ADAD1: variants seen among roughly 807,000 people sequenced by gnomAD.
The protein encoded by ADAD1 is adenosine deaminase domain containing 1.
Under a neutral mutation model 66.8 loss-of-function variants are expected in ADAD1, and 46 were observed. The ratio of observed to expected loss-of-function variants is 0.69; its 90% confidence interval spans 0.54 to 0.88. The LOEUF (loss-of-function observed/expected upper bound fraction) is 0.88, where lower values mean the gene tolerates loss of function less well. ADAD1 is among the 40% of genes least tolerant of loss of function. The probability of loss-of-function intolerance (pLI) is 0.00; values close to 1 mark genes in which losing one functional copy is unlikely to be tolerated. For missense variants in ADAD1, 617 were observed against 681.8 expected (o/e 0.91, Z 1.06); for synonymous variants, 248 against 229.4 (o/e 1.08, Z -0.73).
intron 7 of ADAD1, among the ~76,000 whole-genome samples, chr4:122,401,616 G>A (rs536847593): frequency 2.6e-5 from 4 of 152,164 alleles, no homozygotes; most frequent in East Asian, 1.9e-4. Context: ...GACTATTATT[G>A]TGTTGCCGTC....
At chr4:122,409,276 A>T (rs1480979994) in intron 8 of ADAD1, among the ~76,000 whole-genome samples, 1 of 152,210 alleles carries the variant, frequency 6.6e-6, no homozygotes, top group East Asian at 1.9e-4. Flanking sequence ...GTAAAATGGG[A>T]AATGAGTGCT....
intron 5 of ADAD1, among the ~76,000 whole-genome samples, chr4:122,387,853 G>A (rs1430498060): frequency 6.6e-6 from 1 of 151,292 alleles, no homozygotes; most frequent in Non-Finnish European, 1.5e-5. Context: ...TCTGCCTCCT[G>A]GGTTCATGCC....
intron 5 of ADAD1, among the ~76,000 whole-genome samples, chr4:122,385,648 A>G (rs1283351023): frequency 1.3e-5 from 2 of 152,154 alleles, no homozygotes; most frequent in Non-Finnish European, 2.9e-5. Flanking sequence ...TACATGTGCC[A>G]TGGCAGTTTG....
rs114035595 is a variant in ADAD1, at chr4:122,380,226, G to A, written c.157G>A (p.Val53Ile). 1.2e-6 allele frequency: 2 copies of A among 1,609,602 alleles called. No homozygotes were observed. Among genetic ancestry groups the A allele is most frequent in the African/African-American group, 1.3e-5 (1 of 74,722 alleles). ...CGGCCTGTCCAAGATGGCATCCAAG[G>A]TTACGCAAGTAACGGGTACGACTTT... is the stretch of plus-strand genomic sequence containing the variant. ...SYGLSKMASKVTQVTGNFPEP... is the reference protein window; with the variant it reads ...SYGLSKMASKITQVTGNFPEP... Residue 53 changes from valine to isoleucine, a missense_variant, in exon 3 of 13, where the codon GTT becomes ATT. Coordinates refer to ENST00000296513, the MANE Select transcript of ADAD1 (RefSeq NM_139243.4).
At chr4:122,402,925 G>A (rs1387350607) in intron 7 of ADAD1, among the ~76,000 whole-genome samples, 1 of 151,898 alleles carries the variant, frequency 6.6e-6, no homozygotes, top group Non-Finnish European at 1.5e-5. Context: ...CTTTAAGTTG[G>A]TTTTCACCTT....
At chr4:122,421,482 T>C in intron 12 of ADAD1, 92 bp downstream of exon 12, 1 of 1,192,632 alleles carries the variant, frequency 8.4e-7, no homozygotes, top group Non-Finnish European at 1.1e-6. Flanking sequence ...CAAAAGTTTG[T>C]TGAATACTTC....
chr4:122,396,147 C>T, intron 6 of ADAD1, 105 bp from the exon 7 acceptor site: 1 of 991,354 alleles, frequency 1.0e-6, no homozygotes, highest in Non-Finnish European at 1.3e-6. Flanking sequence ...TTACAGATGT[C>T]TATATATTAT....
intron 5 of ADAD1, among the ~76,000 whole-genome samples, chr4:122,390,269 T>G (rs182159983): frequency 1.6e-3 from 239 of 152,318 alleles, no homozygotes; most frequent in African/African-American, 5.6e-3. Flanking sequence ...GACCTGGCCT[T>G]TCTTTCTGGC....
chr4:122,401,721 G>A (rs1795991294), intron 7 of ADAD1, among the ~76,000 whole-genome samples: 1 of 151,936 alleles, frequency 6.6e-6, no homozygotes, highest in African/African-American at 2.4e-5. Context: ...TTTCTTGTTG[G>A]ACTAATCCTT....
rs1398060419 is a variant in ADAD1, at chr4:122,418,510, AAGG to A, written c.1488-2747_1488-2745del. Among the ~76,000 whole-genome samples, 5 of 151,740 alleles carry A rather than the reference AAGG, an allele frequency of 3.3e-5. 1 individual carries two copies. The highest frequency in any genetic ancestry group is 7.4e-5 in the Non-Finnish European group (5 of 67,916). On this transcript the variant is annotated intron_variant, in intron 11 of 12. Coordinates refer to ENST00000296513, the MANE Select transcript of ADAD1 (RefSeq NM_139243.4). ...GCTAATTTTTTGTATTTTTAGTAGAAAGGAGGTTTCACCGTGTTATCCAGGATG... is the reference window on the plus strand; with the variant it reads ...GCTAATTTTTTGTATTTTTAGTAGAAAGGTTTCACCGTGTTATCCAGGATG...
chr4:122,396,250 A>G lies in ADAD1; in HGVS notation c.599-2A>G. The G allele has an allele frequency of 1.3e-6, 2 of 1,570,920 alleles. No individual in the cohort carries two copies. The highest frequency in any genetic ancestry group is 1.2e-5 in the South Asian group (1 of 81,946). On this transcript the variant is annotated splice_acceptor_variant, in intron 6 of 12. Transcript: ENST00000296513. LOFTEE classifies it high-confidence loss of function. The stretch of plus-strand genomic sequence containing the variant: ...GAAATTTATGTTTTGATTTTTTTCT[A>G]GAAGGGAGACATATTCAATATGCAA...
In ADAD1 at chr4:122,383,840, G is replaced by A; in HGVS notation, c.403G>A (p.Asp135Asn). The A allele has an allele frequency of 3.1e-6, 5 of 1,612,988 alleles. No homozygotes were observed. Among genetic ancestry groups the A allele is most frequent in the Non-Finnish European group, 4.2e-6 (5 of 1,179,676 alleles). The change falls in exon 5 of 13, where the codon GAT becomes AAT. Residue 135 changes from aspartate to asparagine, a missense_variant. By Grantham distance (23) the Asp-to-Asn change is conservative. Coordinates refer to ENST00000296513, the MANE Select transcript of ADAD1 (RefSeq NM_139243.4). ...ATATTTTGCCTTTTGTGCTGTGGTG[G>A]ATGGTATTCAGTACAAGACTGGACT... ...GPYFAFCAVV[D>N]GIQYKTGLGQ...
intron 6 of ADAD1, among the ~76,000 whole-genome samples, chr4:122,394,409 G>A (rs1172607601): frequency 6.6e-6 from 1 of 152,132 alleles, no homozygotes; most frequent in Non-Finnish European, 1.5e-5. Context: ...TAGAGTATTT[G>A]TAAGAGGAAA....
At chr4:122,404,174 C>T (rs1306747882) in intron 7 of ADAD1, among the ~76,000 whole-genome samples, 2 of 152,176 alleles carry the variant, frequency 1.3e-5, no homozygotes, top group South Asian at 2.1e-4. Flanking sequence ...CTCCTATCTG[C>T]ACTTCCCATT....
intron 7 of ADAD1, among the ~76,000 whole-genome samples, chr4:122,397,263 A>G (rs971539562): frequency 3.3e-5 from 5 of 152,180 alleles, no homozygotes; most frequent in Non-Finnish European, 7.4e-5. Context: ...CAAAAGTTAA[A>G]TTTAATAAGA....
At chr4:122,399,241 T>G (rs1380275382) in intron 7 of ADAD1, among the ~76,000 whole-genome samples, 3 of 152,096 alleles carry the variant, frequency 2.0e-5, no homozygotes, top group Non-Finnish European at 4.4e-5. Flanking sequence ...TTTCTCCACT[T>G]TATGTATTTG....
rs766697064 is a variant in ADAD1, at chr4:122,396,264, T to G, written c.611T>G (p.Ile204Ser). 1.3e-6 allele frequency: 2 copies of G among 1,589,434 alleles called. No individual in the cohort carries two copies. Among genetic ancestry groups the G allele is most frequent in the South Asian group, 2.3e-5 (2 of 85,316 alleles). ...GATTTTTTTCTAGAAGGGAGACATA[T>G]TCAATATGCAAAGATTTCACAGATC... ...VSKVHYEGRH[I>S]QYAKISQIVK... is the part of the protein sequence containing the mutation. The change falls in exon 7 of 13, where the codon ATT (isoleucine) becomes AGT (serine). Residue 204 changes from isoleucine to serine, a missense_variant. Physicochemically the swap from Ile to Ser is moderately radical, Grantham distance 142. Transcript: ENST00000296513.
Position 122,383,850 on chromosome 4 carries a change from A to C in ADAD1, c.413A>C (p.Gln138Pro). ...TTTTGTGCTGTGGTGGATGGTATTC[A>C]GTACAAGACTGGACTGGGACAAAAT... ...FAFCAVVDGIQYKTGLGQNKK... is the reference protein window; with the variant it reads ...FAFCAVVDGIPYKTGLGQNKK... Residue 138 changes from glutamine (Q) to proline (P), a missense_variant, in exon 5 of 13, where the codon CAG (glutamine) becomes CCG (proline). Coordinates refer to ENST00000296513, the MANE Select transcript of ADAD1 (RefSeq NM_139243.4). 6.2e-7 allele frequency: 1 copy of C among 1,613,632 alleles called. No individual in the cohort carries two copies.
intron 5 of ADAD1, 91 bp downstream of exon 5, chr4:122,384,057 C>G: frequency 8.4e-7 from 1 of 1,184,034 alleles, no homozygotes; most frequent in East Asian, 2.6e-5. Context: ...AGTTACTTGG[C>G]AGCTACAAGA....
Sources: gnomAD v4.1 joint callset for allele counts (sites outside exome capture counted in the v4.1 genomes callset) on GRCh38, gnomAD v4.1.1 for gene constraint, MANE v1.5 for transcripts, NCBI Gene and HGNC (gene_info 2026-07-23, HGNC 2026-07-21) for gene names.